Variants in LRMDA observed in about 807,000 individuals in gnomAD.
The protein encoded by LRMDA is leucine rich melanocyte differentiation associated, also known as leucine-rich melanocyte differentiation-associated protein.
In LRMDA, 18 loss-of-function variants were observed where a neutral mutation model predicts 29.8. That is an observed-to-expected ratio of 0.60 (90% CI 0.42 to 0.90). The LOEUF (loss-of-function observed/expected upper bound fraction) is 0.90. Ranked by LOEUF, LRMDA falls within the 40% of genes least tolerant of loss-of-function variation. The pLI is 0.00. For missense variants in LRMDA, 273 were observed against 273.9 expected (o/e 1.00, Z 0.02); for synonymous variants, 125 against 109.4 (o/e 1.14, Z -0.89).
intron 5 of LRMDA, among the ~76,000 whole-genome samples, chr10:76,213,009 GA>G (rs775521635): frequency 1.3e-5 from 2 of 152,206 alleles, no homozygotes; most frequent in Non-Finnish European, 2.9e-5. Flanking sequence ...ATGAGTGGGA[GA>G]AGATGGATCA....
chr10:75,594,244 C>T (rs1840758454), intron 2 of LRMDA, among the ~76,000 whole-genome samples: 1 of 152,208 alleles, frequency 6.6e-6, no homozygotes, highest in African/African-American at 2.4e-5. Context: ...GACCGGGATG[C>T]TGCTCAGAGG....
At chr10:76,071,226 G>C (rs1848871257) in intron 5 of LRMDA, among the ~76,000 whole-genome samples, 1 of 152,158 alleles carries the variant, frequency 6.6e-6, no homozygotes, top group African/African-American at 2.4e-5. Context: ...TGAAATTTGG[G>C]AGCTTGTTAC....
chr10:75,733,976 CT>C (rs899898132), intron 2 of LRMDA, among the ~76,000 whole-genome samples: 6 of 152,188 alleles, frequency 3.9e-5, no homozygotes, highest in African/African-American at 1.4e-4. Context: ...TTCTCAAGCC[CT>C]TTCCCTTCAA....
chr10:75,780,312 C>A (rs184782900), intron 2 of LRMDA, among the ~76,000 whole-genome samples: 20 of 152,248 alleles, frequency 1.3e-4, no homozygotes, highest in African/African-American at 4.8e-4. Context: ...GAACTCAAAC[C>A]AACTGTGAGG....
At position 76,512,130 on chromosome 10, in the gene LRMDA, G is replaced by C. The variant is rs572245489; in HGVS notation, c.602-45079G>C. ...ACGAGATCTGATGGTTTTATCAGGG[G>C]TTTCTGCTTTTGCATCTTCCTCATT... On this transcript the variant is annotated intron_variant, in intron 6 of 6. Coordinates refer to ENST00000611255, the MANE Select transcript of LRMDA (RefSeq NM_001305581.2). Among the ~76,000 whole-genome samples, 167 of 152,284 alleles carry C rather than the reference G, an allele frequency of 1.1e-3. 1 individual carries two copies. The highest frequency in any genetic ancestry group is 3.9e-3 in the African/African-American group (161 of 41,550).
intron 2 of LRMDA, among the ~76,000 whole-genome samples, chr10:75,686,904 T>C (rs927337469): frequency 6.6e-6 from 1 of 152,220 alleles, no homozygotes; most frequent in African/African-American, 2.4e-5. Context: ...AACTTTTTCA[T>C]TATGACTATA....
At chr10:76,364,189 G>A (rs977870255) in intron 6 of LRMDA, among the ~76,000 whole-genome samples, 2 of 152,106 alleles carry the variant, frequency 1.3e-5, no homozygotes, top group African/African-American at 4.8e-5. Context: ...TAAGGGCCTA[G>A]GAGAGTGCAA....
intron 2 of LRMDA, among the ~76,000 whole-genome samples, chr10:75,563,900 CAG>C (rs1840334013): frequency 6.6e-6 from 1 of 152,130 alleles, no homozygotes; most frequent in East Asian, 1.9e-4. Context: ...AGTTTTGTCT[CAG>C]AGGAGTACCC....
At chr10:76,295,174 G>A (rs552232276) in intron 5 of LRMDA, among the ~76,000 whole-genome samples, 1 of 152,274 alleles carries the variant, frequency 6.6e-6, no homozygotes, top group East Asian at 1.9e-4. Context: ...GGAAGTTTTG[G>A]CACAATGTAA....
At chr10:75,525,154 T>C (rs1004370664) in intron 2 of LRMDA, among the ~76,000 whole-genome samples, 6 of 152,246 alleles carry the variant, frequency 3.9e-5, no homozygotes, top group African/African-American at 1.4e-4. Context: ...CTGTTGGCTA[T>C]ACAGCATCCT....
chr10:76,071,818 A>G (rs566161697), intron 5 of LRMDA, among the ~76,000 whole-genome samples: 1 of 152,258 alleles, frequency 6.6e-6, no homozygotes, highest in Non-Finnish European at 1.5e-5. Context: ...GATCTTGGGA[A>G]GCCTCAGGAG....
chr10:76,127,641 C>T (rs1201063774), intron 5 of LRMDA, among the ~76,000 whole-genome samples: 1 of 149,102 alleles, frequency 6.7e-6, no homozygotes, highest in East Asian at 2.0e-4. Flanking sequence ...TTTTTGAATA[C>T]ACTCAACCAA....
At chr10:76,370,667 T>TTTA (rs1297604019) in intron 6 of LRMDA, among the ~76,000 whole-genome samples, 1 of 152,150 alleles carries the variant, frequency 6.6e-6, no homozygotes, top group African/African-American at 2.4e-5. Flanking sequence ...ATTGTTCTAT[T>TTTA]TTATTATTAT....
At chr10:75,748,463 A>G (rs561954934) in intron 2 of LRMDA, among the ~76,000 whole-genome samples, 4 of 152,248 alleles carry the variant, frequency 2.6e-5, no homozygotes, top group African/African-American at 9.6e-5. Flanking sequence ...CCTCTATGTA[A>G]CTGAACTCAT....
chr10:75,757,672 A>G (rs1343270540), intron 2 of LRMDA, among the ~76,000 whole-genome samples: 2 of 152,174 alleles, frequency 1.3e-5, no homozygotes, highest in Admixed American at 6.5e-5. Context: ...GATGGTATGT[A>G]CGGTACTTAG....
intron 2 of LRMDA, among the ~76,000 whole-genome samples, chr10:75,780,686 T>A (rs1843370955): frequency 6.6e-6 from 1 of 152,082 alleles, no homozygotes; most frequent in South Asian, 2.1e-4. Context: ...AAGGCACAAG[T>A]ACTAGGGCCA....
intron 5 of LRMDA, among the ~76,000 whole-genome samples, chr10:76,150,048 G>T (rs7914923): frequency 0.22 from 32,766 of 152,140 alleles, 4,833 homozygotes; most frequent in African/African-American, 0.41. Context: ...AAATCCAGCT[G>T]GTCAAACACA....
At chr10:75,988,086 G>A (rs1847292782) in intron 2 of LRMDA, among the ~76,000 whole-genome samples, 1 of 152,230 alleles carries the variant, frequency 6.6e-6, no homozygotes, top group Non-Finnish European at 1.5e-5. Context: ...TTCTGAAGCA[G>A]GAGGCACGAT....
At chr10:76,336,275 G>A (rs1418371302) in intron 6 of LRMDA, among the ~76,000 whole-genome samples, 2 of 152,126 alleles carry the variant, frequency 1.3e-5, no homozygotes, top group Non-Finnish European at 2.9e-5. Flanking sequence ...ATGAAATCAG[G>A]GTTTCACCTT....
Sources: allele counts gnomAD v4.1 joint callset (sites outside exome capture counted in the v4.1 genomes callset), GRCh38; gene constraint gnomAD v4.1.1; transcripts MANE v1.5; gene names NCBI Gene and HGNC (gene_info 2026-07-23, HGNC 2026-07-21).